Variants in RPTOR observed in about 807,000 individuals in gnomAD.
The protein encoded by RPTOR is regulatory-associated protein of mTOR.
A neutral mutation model predicts 169.9 loss-of-function variants in RPTOR; 21 were observed. That is an observed-to-expected ratio of 0.12 (90% CI 0.09 to 0.18). The LOEUF (loss-of-function observed/expected upper bound fraction) is 0.18. RPTOR is among the 10% of genes least tolerant of loss of function. The probability of loss-of-function intolerance (pLI) is 1.00; values close to 1 mark genes in which losing one functional copy is unlikely to be tolerated. For missense variants in RPTOR, 1,133 were observed against 1,855.9 expected (o/e 0.61, Z 7.16); for synonymous variants, 732 against 753.2 (o/e 0.97, Z 0.46).
rs2067868755 is a variant in RPTOR, at chr17:80,857,663, C to A, written c.1399-127C>A. On this transcript the variant is annotated intron_variant, in intron 12 of 33. Coordinates refer to ENST00000306801, the MANE Select transcript of RPTOR (RefSeq NM_020761.3). ...GCCCCTCTTTACTTTAAGTGAGGCC[C>A]ATTCATTCCTGTTGCGTTTCCCATA... The A allele has an allele frequency of 4.8e-6, 3 of 627,404 alleles. No individual in the cohort carries two copies. In the African/African-American group the frequency reaches 5.5e-5, roughly 11 times the overall value. 38.9% of individuals were successfully genotyped at this position (627,404 alleles called of 1,614,324 possible).
Position 80,945,685 on chromosome 17 carries a change from A to G in RPTOR, c.3044A>G (p.Asp1015Gly). ...VIQKGITRLD[D>G]QIFLNRNPGV... ...TTGACAGGCATTACGAGATTGGACG[A>G]CCAAATATTTCTGAACAGGAACCCC... Residue 1015 changes from aspartate to glycine, a missense_variant, in exon 26 of 34, where the codon GAC becomes GGC. Asp to Gly is a moderately conservative substitution (Grantham distance 94). Around this residue, in one of 9 missense-constraint regions of RPTOR, gnomAD observed 410 missense variants for 623.7 expected, o/e 0.66. Coordinates refer to ENST00000306801, the MANE Select transcript of RPTOR (RefSeq NM_020761.3). The G allele has an allele frequency of 6.2e-7, 1 of 1,610,860 alleles. No homozygotes were observed. Among genetic ancestry groups the G allele is most frequent in the South Asian group, 1.1e-5 (1 of 90,738 alleles).
chr17:80,806,025 G>GA (rs1227198876), intron 7 of RPTOR, among the ~76,000 whole-genome samples: 4 of 152,338 alleles, frequency 2.6e-5, no homozygotes, highest in African/African-American at 7.2e-5. Flanking sequence ...AGGATCCAAA[G>GA]AGATGGCAGC....
intron 9 of RPTOR, among the ~76,000 whole-genome samples, chr17:80,825,411 C>CGGCA (rs2067431328): frequency 6.7e-6 from 1 of 148,560 alleles, no homozygotes; most frequent in Non-Finnish European, 1.5e-5. Flanking sequence ...AGACTGCTTT[C>CGGCA]TAGGACTGGC....
intron 24 of RPTOR, among the ~76,000 whole-genome samples, chr17:80,933,164 A>G (rs1339810672): frequency 6.6e-6 from 1 of 152,242 alleles, no homozygotes; most frequent in Non-Finnish European, 1.5e-5. Flanking sequence ...AATAAAACAT[A>G]TCATATTGGA....
intron 2 of RPTOR, among the ~76,000 whole-genome samples, chr17:80,635,915 A>G (rs2065502698): frequency 6.6e-6 from 1 of 152,164 alleles, no homozygotes; most frequent in African/African-American, 2.4e-5. Flanking sequence ...GCCTTCCTCA[A>G]GATGAGAATG....
At chr17:80,822,425 G>A (rs1567931031) in intron 8 of RPTOR, 124 bp downstream of exon 8, 2 of 969,368 alleles carry the variant, frequency 2.1e-6, no homozygotes, top group Non-Finnish European at 3.2e-6. Flanking sequence ...AAGACAGTGG[G>A]AGGGGCTGAA....
intron 1 of RPTOR, among the ~76,000 whole-genome samples, chr17:80,596,838 A>G (rs922673474): frequency 2.0e-5 from 3 of 152,208 alleles, no homozygotes; most frequent in Admixed American, 6.5e-5. Context: ...GGGTTGTCAC[A>G]TATTTTCCTC....
intron 6 of RPTOR, among the ~76,000 whole-genome samples, chr17:80,780,744 A>C (rs1598299873): frequency 6.6e-6 from 1 of 152,220 alleles, no homozygotes; most frequent in Admixed American, 6.5e-5. Context: ...GGCAGGGTGG[A>C]TCCTGCAGCT....
At chr17:80,581,698 T>C (rs1187183980) in intron 1 of RPTOR, among the ~76,000 whole-genome samples, 1 of 151,888 alleles carries the variant, frequency 6.6e-6, no homozygotes, top group Non-Finnish European at 1.5e-5. Context: ...ATGCCTGTTA[T>C]TCTCTGCAGT....
chr17:80,764,260 C>A (rs1175860485), intron 6 of RPTOR, among the ~76,000 whole-genome samples: 1 of 150,060 alleles, frequency 6.7e-6, no homozygotes, highest in Non-Finnish European at 1.5e-5. Flanking sequence ...GTGCTGCACC[C>A]ATTAACTCGT....
At chr17:80,672,537 T>C (rs1431087670) in intron 3 of RPTOR, among the ~76,000 whole-genome samples, 2 of 152,146 alleles carry the variant, frequency 1.3e-5, no homozygotes, top group Non-Finnish European at 2.9e-5. Context: ...CCTGTAGTAA[T>C]GCCAGCACTT....
At chr17:80,906,277 A>G (rs2068541566) in intron 20 of RPTOR, among the ~76,000 whole-genome samples, 1 of 151,744 alleles carries the variant, frequency 6.6e-6, no homozygotes, top group African/African-American at 2.4e-5. Context: ...AGTTCCTAGG[A>G]GCCGGCTCCG....
intron 1 of RPTOR, among the ~76,000 whole-genome samples, chr17:80,576,180 A>G (rs1041401360): frequency 7.2e-5 from 11 of 152,208 alleles, no homozygotes; most frequent in African/African-American, 2.4e-4. Context: ...CAGTTGGAGC[A>G]CTTAGTCTAC....
intron 1 of RPTOR, among the ~76,000 whole-genome samples, chr17:80,594,168 A>G (rs2065127772): frequency 1.3e-5 from 2 of 151,976 alleles, no homozygotes; most frequent in African/African-American, 4.8e-5. Context: ...ATCTCGGCTC[A>G]CCACAACCTC....
chr17:80,698,971 A>AT (rs1217498192), intron 3 of RPTOR, among the ~76,000 whole-genome samples: 1 of 152,172 alleles, frequency 6.6e-6, no homozygotes, highest in East Asian at 1.9e-4. Context: ...GGCGCCCGTG[A>AT]TTCCCCCAGC....
In RPTOR at chr17:80,612,546, T is replaced by A. The variant is rs868481144; in HGVS notation, c.163-13145T>A. Among the ~76,000 whole-genome samples the A allele has an allele frequency of 3.9e-5, 6 of 152,270 alleles. No homozygotes were observed. In the South Asian group the frequency reaches 1.2e-3, roughly 31 times the overall value. ...CCAGTGTCGAATTATCTGAAGCCATTCTGATTTTCAGCCTTTGCTTTGTGG... is the reference window on the plus strand; with the variant it reads ...CCAGTGTCGAATTATCTGAAGCCATACTGATTTTCAGCCTTTGCTTTGTGG... On this transcript the variant is annotated intron_variant, in intron 1 of 33. Coordinates refer to ENST00000306801, the MANE Select transcript of RPTOR (RefSeq NM_020761.3).
At chr17:80,744,389 G>T (rs112701581) in intron 5 of RPTOR, among the ~76,000 whole-genome samples, 611 of 1,522 alleles carry the variant, frequency 0.4, 44 homozygotes, top group African/African-American at 0.44. Context: ...CCCTGGTTAC[G>T]AGCACTGTCC....
At chr17:80,818,323 A>G (rs1387461814) in intron 7 of RPTOR, among the ~76,000 whole-genome samples, 3 of 152,190 alleles carry the variant, frequency 2.0e-5, no homozygotes, top group Admixed American at 6.5e-5. Flanking sequence ...TCTGAATTTA[A>G]ATTTTAAAAG....
chr17:80,893,643 T>G lies in RPTOR; in HGVS notation c.2243-64T>G. The G allele has an allele frequency of 7.8e-6, 12 of 1,540,540 alleles. No homozygotes were observed. The South Asian group carries it at 1.4e-4, about 18-fold the overall frequency. ...GAAAATATGTATCTCAGTCATGCCATTAACTGTAAGACCAAAAGGAGGGTC... is the reference window on the plus strand; with the variant it reads ...GAAAATATGTATCTCAGTCATGCCAGTAACTGTAAGACCAAAAGGAGGGTC... On this transcript the variant is annotated intron_variant, in intron 19 of 33. Transcript: ENST00000306801.
Sources: gnomAD v4.1 joint callset for allele counts (sites outside exome capture counted in the v4.1 genomes callset) on GRCh38, gnomAD v4.1.1 for gene constraint, gnomAD v4.1.1 regional missense constraint, MANE v1.5 for transcripts, NCBI Gene and HGNC (gene_info 2026-07-23, HGNC 2026-07-21) for gene names.